The following ALG10B variants were observed in gnomAD, a reference collection of about 807,000 sequenced individuals.
ALG10B encodes the protein ALG10 alpha-1,2-glucosyltransferase B, also known as dol-P-Glc:Glc(2)Man(9)GlcNAc(2)-PP-Dol alpha-1,2-glucosyltransferase B.
A neutral mutation model predicts 38.7 loss-of-function variants in ALG10B; 27 were observed. That is an observed-to-expected ratio of 0.70 (90% CI 0.51 to 0.96). ALG10B has a LOEUF of 0.96. Among genes scored for constraint, ALG10B ranks in the 40% least tolerant of loss-of-function variants. ALG10B has a pLI of 0.00. For synonymous variants in ALG10B, 177 were observed against 193.3 expected (o/e 0.92, Z 0.70); for missense variants, 522 against 542.7 (o/e 0.96, Z 0.38).
At position 38,325,740 on chromosome 12, in the gene ALG10B, GGTTTA is replaced by G. The variant is rs1387032056; in HGVS notation, c.*4530_*4534del. 3 of 152,022 alleles carry G rather than the reference GGTTTA, an allele frequency of 2.0e-5. No homozygotes were observed. The highest frequency in any genetic ancestry group is 7.2e-5 in the African/African-American group (3 of 41,398). 9.4% of individuals were successfully genotyped at this position (152,022 alleles called of 1,614,324 possible). A position where few individuals can be genotyped will look rare whatever the true frequency, so the allele number is the denominator to read the frequency against. On this transcript the variant is annotated 3_prime_UTR_variant, in exon 3 of 3. Coordinates refer to ENST00000308742, the MANE Select transcript of ALG10B (RefSeq NM_001013620.4). ...TGGCTCTGGGATCAATAAGGCAAGTGGTTTAGTCTTTAGTCCTCATTTCAAATGAG... is the reference window on the plus strand; with the variant it reads ...TGGCTCTGGGATCAATAAGGCAAGTGGTCTTTAGTCCTCATTTCAAATGAG...
In ALG10B at chr12:38,320,903, A is replaced by T; in HGVS notation, c.1112A>T (p.Tyr371Phe). 6.2e-7 allele frequency: 1 copy of T among 1,613,832 alleles called. No homozygotes were observed. The highest frequency in any genetic ancestry group is 8.5e-7 in the Non-Finnish European group (1 of 1,179,868). Residue 371 changes from tyrosine to phenylalanine, a missense_variant, in exon 3 of 3, where the codon TAT becomes TTT. Transcript: ENST00000308742. ...RVFQRYAILK[Y>F]LLVPAYIFAG... ...TTTCAAAGATATGCAATTCTGAAAT[A>T]TTTGTTAGTTCCAGCCTATATATTT...
At position 38,328,780 on chromosome 12, in the gene ALG10B, A is replaced by G. The variant is rs1030610803; in HGVS notation, c.*7567A>G. On this transcript the variant is annotated 3_prime_UTR_variant, in exon 3 of 3. Transcript: ENST00000308742. Reference sequence around the variant, plus strand: ...ATATGATATGATCTTTGCATATGGCATACTTCATTCATATGACATAGTTAG... The same window carrying G: ...ATATGATATGATCTTTGCATATGGCGTACTTCATTCATATGACATAGTTAG... The G allele has an allele frequency of 3.2e-5, 5 of 158,158 alleles. No homozygotes were observed. The highest frequency in any genetic ancestry group is 6.5e-5 in the Admixed American group (1 of 15,420). 9.8% of individuals were successfully genotyped at this position (158,158 alleles called of 1,614,324 possible).
chr12:38,319,941 C>T (rs1433506676), intron 2 of ALG10B, among the ~76,000 whole-genome samples: 1 of 152,208 alleles, frequency 6.6e-6, no homozygotes, highest in Non-Finnish European at 1.5e-5. Flanking sequence ...TTGGCATACA[C>T]ACGGTCTCCA....
Position 38,320,530 on chromosome 12 carries a change from T to C in ALG10B, c.739T>C (p.Leu247=). 1 of 1,614,110 alleles carries C rather than the reference T, an allele frequency of 6.2e-7. No homozygotes were observed. The highest frequency in any genetic ancestry group is 8.5e-7 in the Non-Finnish European group (1 of 1,179,992). Residue 247 remains leucine, a synonymous_variant, in exon 3 of 3, where the codon TTG becomes CTG. Coordinates refer to ENST00000308742, the MANE Select transcript of ALG10B (RefSeq NM_001013620.4). ...GGCTTATTCCATGTCCTTTAAAAAC[T>C]TGAGTATGCTTTTCTGTTTGACTTG... ...LLAYSMSFKN[L]SMLFCLTWPY... is the part of the protein sequence containing the mutation.
chr12:38,324,026 C>CT lies in ALG10B; in HGVS notation c.*2820dup, dbSNP rs1183087465. ...CTTTGGAGGGATCACTGTTCTATAT[C>CT]TTTTTTTGTTTGTTTTTGTCTTTGA... On this transcript the variant is annotated 3_prime_UTR_variant, in exon 3 of 3. Coordinates refer to ENST00000308742, the MANE Select transcript of ALG10B (RefSeq NM_001013620.4). 1.2e-5 allele frequency: 8 copies of CT among 679,614 alleles called. No individual in the cohort carries two copies. Among genetic ancestry groups the CT allele is most frequent in the Non-Finnish European group, 5.3e-6 (2 of 377,142 alleles). 42.1% of individuals were successfully genotyped at this position (679,614 alleles called of 1,614,324 possible). A position where few individuals can be genotyped will look rare whatever the true frequency, so the allele number is the denominator to read the frequency against.
Position 38,324,121 on chromosome 12 carries a change from C to T in ALG10B, c.*2908C>T. On this transcript the variant is annotated 3_prime_UTR_variant, in exon 3 of 3. Coordinates refer to ENST00000308742, the MANE Select transcript of ALG10B (RefSeq NM_001013620.4). ...GATCTTGGCTCACTGAAACCTCCAC[C>T]TCCTGGGTTCAAGCAGTTCTCCTGC... 1.8e-6 allele frequency: 1 copy of T among 551,490 alleles called. No homozygotes were observed. The highest frequency in any genetic ancestry group is 3.2e-6 in the Non-Finnish European group (1 of 310,366). The allele number at this position is 551,490 out of a possible 1,614,324, so 34.2% of individuals were successfully genotyped here.
At position 38,322,135 on chromosome 12, in the gene ALG10B, A is replaced by G. The variant is rs535836200; in HGVS notation, c.*922A>G. On this transcript the variant is annotated 3_prime_UTR_variant, in exon 3 of 3. Transcript: ENST00000308742. The stretch of plus-strand genomic sequence containing the variant: ...TCCTAATATCTTGTGGCTGTCTGCA[A>G]TTCTTGGAGTTCTTTGGCTTATGGG... 7 of 152,314 alleles carry G rather than the reference A, an allele frequency of 4.6e-5. No homozygotes were observed. Among genetic ancestry groups the G allele is most frequent in the Middle Eastern group, 3.4e-3 (1 of 294 alleles). 9.4% of individuals were successfully genotyped at this position (152,314 alleles called of 1,614,324 possible).
Position 38,321,017 on chromosome 12 carries a change from C to T in ALG10B, c.1226C>T (p.Pro409Leu). 1 of 1,612,996 alleles carries T rather than the reference C, an allele frequency of 6.2e-7. No individual in the cohort carries two copies. The highest frequency in any genetic ancestry group is 8.5e-7 in the Non-Finnish European group (1 of 1,179,674). ...ATATGCTTGTTCATTGTTATAGTTC[C>T]TCAGAAACTGCTGGAATTTCGTTAC... ...FFICLFIVIVPQKLLEFRYFI... is the reference protein window; with the variant it reads ...FFICLFIVIVLQKLLEFRYFI... The change falls in exon 3 of 3, where the codon CCT becomes CTT. Residue 409 changes from proline (P) to leucine (L), a missense_variant. Transcript: ENST00000308742.
intron 1 of ALG10B, chr12:38,317,564 T>C (rs1246498078): frequency 1.1e-5 from 2 of 178,258 alleles, no homozygotes; most frequent in Non-Finnish European, 2.4e-5. Flanking sequence ...CTGGATAAAC[T>C]GGCAACCAGT....
chr12:38,316,804 C>A lies in ALG10B; in HGVS notation c.-90C>A. 1 of 1,606,650 alleles carries A rather than the reference C, an allele frequency of 6.2e-7. No individual in the cohort carries two copies. The highest frequency in any genetic ancestry group is 8.5e-7 in the Non-Finnish European group (1 of 1,174,868). On this transcript the variant is annotated 5_prime_UTR_variant, in exon 1 of 3. Coordinates refer to ENST00000308742, the MANE Select transcript of ALG10B (RefSeq NM_001013620.4). ...CCCGTCTGGCTAGTCCTGTCTAGCG[C>A]GCCCATTTCGAGCCCAAGTTTCCAG...
rs527961457 is a variant in ALG10B at position 38,329,473 on chromosome 12, A to G, written c.*8260A>G. 20 of 326,506 alleles carry G rather than the reference A, an allele frequency of 6.1e-5. No homozygotes were observed. Among genetic ancestry groups the G allele is most frequent in the African/African-American group, 5.0e-4 (19 of 37,872 alleles). The allele number at this position is 326,506 out of a possible 1,614,324, so 20.2% of individuals were successfully genotyped here. ...GTTGGTTTAACAGGACATACTTTAGATATTTGAAAAATTCTCTGTGGAATC... is the reference window on the plus strand; with the variant it reads ...GTTGGTTTAACAGGACATACTTTAGGTATTTGAAAAATTCTCTGTGGAATC... On this transcript the variant is annotated 3_prime_UTR_variant, in exon 3 of 3. Coordinates refer to ENST00000308742, the MANE Select transcript of ALG10B (RefSeq NM_001013620.4).
Position 38,316,799 on chromosome 12 carries a change from T to C in ALG10B, c.-95T>C. The C allele has an allele frequency of 6.2e-7, 1 of 1,606,108 alleles. No homozygotes were observed. The highest frequency in any genetic ancestry group is 1.1e-5 in the South Asian group (1 of 90,708). On this transcript the variant is annotated 5_prime_UTR_variant, in exon 1 of 3. Coordinates refer to ENST00000308742, the MANE Select transcript of ALG10B (RefSeq NM_001013620.4). The stretch of plus-strand genomic sequence containing the variant: ...GTGGCCCCGTCTGGCTAGTCCTGTC[T>C]AGCGCGCCCATTTCGAGCCCAAGTT...
Position 38,329,262 on chromosome 12 carries a change from A to G in ALG10B, c.*8049A>G, listed in dbSNP as rs1591942523. On this transcript the variant is annotated 3_prime_UTR_variant, in exon 3 of 3. Coordinates refer to ENST00000308742, the MANE Select transcript of ALG10B (RefSeq NM_001013620.4). Reference sequence around the variant, plus strand: ...TTGTCATGATACCTCAAATTGATATATGTTGTAATTATGAATTTAAGGAAG... The same window carrying G: ...TTGTCATGATACCTCAAATTGATATGTGTTGTAATTATGAATTTAAGGAAG... 5.1e-6 allele frequency: 2 copies of G among 392,554 alleles called. No individual in the cohort carries two copies. Among genetic ancestry groups the G allele is most frequent in the East Asian group, 7.2e-5 (2 of 27,682 alleles). 24.3% of individuals were successfully genotyped at this position (392,554 alleles called of 1,614,324 possible). A position where few individuals can be genotyped will look rare whatever the true frequency, so the allele number is the denominator to read the frequency against.
rs1945708585 is a variant in ALG10B at position 38,321,974 on chromosome 12, C to T, written c.*761C>T. On this transcript the variant is annotated 3_prime_UTR_variant, in exon 3 of 3. Transcript: ENST00000308742. Reference sequence around the variant, plus strand: ...ATATTGTATTAGCTTCCCAGGGCTGCCATAACAAATGACCACAAACTTGGG... The same window carrying T: ...ATATTGTATTAGCTTCCCAGGGCTGTCATAACAAATGACCACAAACTTGGG... 6.6e-6 allele frequency: 1 copy of T among 152,142 alleles called. No individual in the cohort carries two copies. The highest frequency in any genetic ancestry group is 1.5e-5 in the Non-Finnish European group (1 of 68,004). The allele number at this position is 152,142 out of a possible 1,614,324, so 9.4% of individuals were successfully genotyped here.
upstream of ALG10B, chr12:38,316,723 CCCGCTGTTTT>C (rs2120474988): frequency 9.1e-7 from 1 of 1,093,394 alleles, no homozygotes; most frequent in Non-Finnish European, 1.4e-6. Context: ...GAAACAGCGA[CCCGCTGTTTT>C]CCGGATCCGC....
chr12:38,317,315 CG>C, intron 1 of ALG10B: 1 of 602,456 alleles, frequency 1.7e-6, no homozygotes, highest in Non-Finnish European at 2.8e-6. Flanking sequence ...GGGAACTGAG[CG>C]CTCCTCTTGG....
In ALG10B at chr12:38,316,834, G is replaced by T; in HGVS notation, c.-60G>T. 3 of 1,613,404 alleles carry T rather than the reference G, an allele frequency of 1.9e-6. No individual in the cohort carries two copies. The highest frequency in any genetic ancestry group is 2.5e-6 in the Non-Finnish European group (3 of 1,179,870). The stretch of plus-strand genomic sequence containing the variant: ...ATTTCGAGCCCAAGTTTCCAGCTCG[G>T]GTTTCCGGGCTCAGAATTTTCCAGG... On this transcript the variant is annotated 5_prime_UTR_variant, in exon 1 of 3. Transcript: ENST00000308742.
At chr12:38,317,885 T>C in intron 1 of ALG10B, 1 of 318,174 alleles carries the variant, frequency 3.1e-6, no homozygotes, top group Non-Finnish European at 6.0e-6. Context: ...TTATGTCAGC[T>C]GTCATCATGG....
In ALG10B at chr12:38,319,319, G is replaced by A. The variant is rs561946531; in HGVS notation, c.370-842G>A. Among the ~76,000 whole-genome samples the A allele has an allele frequency of 2.6e-5, 4 of 152,238 alleles. No homozygotes were observed. The South Asian group carries it at 8.3e-4, about 32-fold the overall frequency. The stretch of plus-strand genomic sequence containing the variant: ...GGGGAGACAAACAGCATAAGCAAAG[G>A]AAGAAAGGCATTGAACAATGAGGTG... On this transcript the variant is annotated intron_variant, in intron 2 of 2. Coordinates refer to ENST00000308742, the MANE Select transcript of ALG10B (RefSeq NM_001013620.4).
Sources: allele counts gnomAD v4.1 joint callset (sites outside exome capture counted in the v4.1 genomes callset), GRCh38; gene constraint gnomAD v4.1.1; transcripts MANE v1.5; gene names NCBI Gene and HGNC (gene_info 2026-07-23, HGNC 2026-07-21).